DOCK2: variants seen among roughly 807,000 people sequenced by gnomAD.
The protein encoded by DOCK2 is dedicator of cytokinesis 2.
A neutral mutation model predicts 248.9 loss-of-function variants in DOCK2; 87 were observed. That is an observed-to-expected ratio of 0.35 (90% CI 0.29 to 0.42). The LOEUF (loss-of-function observed/expected upper bound fraction) is 0.42. Ranked by LOEUF, DOCK2 falls within the 10% of genes least tolerant of loss-of-function variation. The pLI is 1.00. For synonymous variants in DOCK2, 805 were observed against 821.6 expected (o/e 0.98, Z 0.35); for missense variants, 1,747 against 2,300.2 (o/e 0.76, Z 4.92).
At chr5:169,766,422 G>A (rs966264580) in intron 25 of DOCK2, among the ~76,000 whole-genome samples, 48 of 152,274 alleles carry the variant, frequency 3.2e-4, no homozygotes, top group African/African-American at 9.4e-4. Flanking sequence ...TTATGGCTGC[G>A]TAGTATTTCA....
chr5:169,647,000 C>T (rs1199494277), intron 1 of DOCK2, among the ~76,000 whole-genome samples: 1 of 152,198 alleles, frequency 6.6e-6, no homozygotes, highest in Non-Finnish European at 1.5e-5. Flanking sequence ...GCTTACAGTC[C>T]AGTCATAACC....
chr5:169,759,824 T>C (rs757894620), intron 24 of DOCK2, 49 bp downstream of exon 24: 2 of 1,609,360 alleles, frequency 1.2e-6, no homozygotes, highest in Admixed American at 1.7e-5. Flanking sequence ...AAGCTAGGGA[T>C]TCAGAGTGGG....
At chr5:169,932,779 C>T (rs1451624998) in intron 27 of DOCK2, among the ~76,000 whole-genome samples, 1 of 152,154 alleles carries the variant, frequency 6.6e-6, no homozygotes, top group Non-Finnish European at 1.5e-5. Context: ...TACAAACACT[C>T]ACCTATGCAT....
rs1330514886 is a variant in DOCK2, at chr5:169,888,474, C to A, written c.2799+47622C>A. Among the ~76,000 whole-genome samples, 3 of 152,272 alleles carry A rather than the reference C, an allele frequency of 2.0e-5. No homozygotes were observed. In the East Asian group the frequency reaches 5.8e-4, roughly 29 times the overall value. ...ACCAACTGTTTATGTTCCATCTATGCCTTTGGCCCACAGCAAATGGTCCTC... is the reference window on the plus strand; with the variant it reads ...ACCAACTGTTTATGTTCCATCTATGACTTTGGCCCACAGCAAATGGTCCTC... On this transcript the variant is annotated intron_variant, in intron 27 of 51. Coordinates refer to ENST00000520908, the MANE Select transcript of DOCK2 (RefSeq NM_004946.3).
chr5:169,774,522 A>G (rs571372109), intron 25 of DOCK2, among the ~76,000 whole-genome samples: 32 of 152,334 alleles, frequency 2.1e-4, no homozygotes, highest in African/African-American at 7.7e-4. Context: ...CTGATTCCCC[A>G]GCACACACTG....
chr5:169,753,956 A>G (rs1764051185), intron 23 of DOCK2, among the ~76,000 whole-genome samples: 1 of 152,156 alleles, frequency 6.6e-6, no homozygotes, highest in Non-Finnish European at 1.5e-5. Flanking sequence ...TTAAAAATTG[A>G]GGGGAATAGT....
At chr5:169,708,402 T>C in intron 15 of DOCK2, 135 bp downstream of exon 15, 1 of 921,592 alleles carries the variant, frequency 1.1e-6, no homozygotes, top group South Asian at 1.6e-5. Flanking sequence ...TTTCCTTCAT[T>C]TTATAGTTGA....
intron 32 of DOCK2, among the ~76,000 whole-genome samples, chr5:170,009,543 G>A (rs184602723): frequency 5.3e-5 from 8 of 152,254 alleles, no homozygotes; most frequent in Non-Finnish European, 1.2e-4. Flanking sequence ...ATGGATGAAC[G>A]AACAGTAATG....
chr5:169,685,514 C>T (rs540779222), intron 8 of DOCK2, among the ~76,000 whole-genome samples: 194 of 152,286 alleles, frequency 1.3e-3, no homozygotes, highest in African/African-American at 4.1e-3. Context: ...TGCGCCACCA[C>T]GCCCGGCTAA....
intron 27 of DOCK2, chr5:169,864,155 C>T: frequency 1.1e-6 from 1 of 913,786 alleles, no homozygotes; most frequent in South Asian, 1.6e-5. Flanking sequence ...GTTTCACAGG[C>T]CAAGGGGCTC....
At chr5:169,993,966 G>C (rs913290174) in intron 29 of DOCK2, among the ~76,000 whole-genome samples, 2 of 152,210 alleles carry the variant, frequency 1.3e-5, no homozygotes, top group African/African-American at 4.8e-5. Context: ...GGATATGAGA[G>C]AAAGTCATAG....
chr5:169,773,391 A>G (rs571191493), intron 25 of DOCK2, among the ~76,000 whole-genome samples: 1 of 152,314 alleles, frequency 6.6e-6, no homozygotes, highest in Non-Finnish European at 1.5e-5. Context: ...TAATTAGGGG[A>G]GAAAAAAATT....
intron 27 of DOCK2, among the ~76,000 whole-genome samples, chr5:169,925,579 T>G (rs2909779): frequency 1.2e-5 from 1 of 80,260 alleles, no homozygotes; most frequent in Non-Finnish European, 2.4e-5. Flanking sequence ...GACTCTGTCT[T>G]AAAAAAAAAA....
At chr5:169,925,781 G>A (rs1049531019) in intron 27 of DOCK2, among the ~76,000 whole-genome samples, 2 of 152,014 alleles carry the variant, frequency 1.3e-5, no homozygotes, top group African/African-American at 4.8e-5. Flanking sequence ...CAGGATGCCA[G>A]ACCAATAATG....
intron 14 of DOCK2, among the ~76,000 whole-genome samples, chr5:169,707,274 G>A (rs1761324325): frequency 6.6e-6 from 1 of 152,094 alleles, no homozygotes; most frequent in South Asian, 2.1e-4. Flanking sequence ...GATTTTTATG[G>A]CAAGGAATAA....
chr5:169,901,799 G>A (rs1273546565), intron 27 of DOCK2, among the ~76,000 whole-genome samples: 3 of 152,204 alleles, frequency 2.0e-5, no homozygotes, highest in African/African-American at 7.2e-5. Flanking sequence ...GCCAAATGGA[G>A]GGGTTTTCTG....
chr5:169,662,814 G>A (rs898725782), intron 2 of DOCK2, among the ~76,000 whole-genome samples: 3 of 152,174 alleles, frequency 2.0e-5, no homozygotes, highest in African/African-American at 7.2e-5. Context: ...TTTGAGATGA[G>A]ATGTGGGTGG....
intron 6 of DOCK2, among the ~76,000 whole-genome samples, chr5:169,674,888 C>T (rs1759248104): frequency 6.6e-6 from 1 of 152,142 alleles, no homozygotes; most frequent in Non-Finnish European, 1.5e-5. Context: ...AATGTTTCCT[C>T]AAAAGGGAAG....
chr5:169,822,476 G>A (rs578207738), intron 26 of DOCK2, among the ~76,000 whole-genome samples: 25 of 152,082 alleles, frequency 1.6e-4, no homozygotes, highest in African/African-American at 5.6e-4. Context: ...ACTCAAAACC[G>A]CTCAACTGCA....
Sources: gnomAD v4.1 joint callset for allele counts (sites outside exome capture counted in the v4.1 genomes callset) on GRCh38, gnomAD v4.1.1 for gene constraint, MANE v1.5 for transcripts, NCBI Gene and HGNC (gene_info 2026-07-23, HGNC 2026-07-21) for gene names.